The following TNIK variants were observed in gnomAD, a reference collection of about 807,000 sequenced individuals.
TNIK encodes TRAF2 and NCK interacting kinase.
In TNIK, 49 loss-of-function variants were observed where a neutral mutation model predicts 191.3. That is an observed-to-expected ratio of 0.26 (90% CI 0.20 to 0.32). The LOEUF (loss-of-function observed/expected upper bound fraction) is 0.32, where lower values mean the gene tolerates loss of function less well. Among genes scored for constraint, TNIK ranks in the 10% least tolerant of loss-of-function variants. The pLI is 1.00. For missense variants in TNIK, 1,155 were observed against 1,702.3 expected (o/e 0.68, Z 5.66); for synonymous variants, 594 against 600.9 (o/e 0.99, Z 0.17).
At chr3:171,334,076 T>A (rs1231322042) in intron 2 of TNIK, among the ~76,000 whole-genome samples, 1 of 151,736 alleles carries the variant, frequency 6.6e-6, no homozygotes. Context: ...GACTGAGGGG[T>A]GGGAAGTGTC....
chr3:171,132,767 A>G (rs990946078), intron 15 of TNIK, among the ~76,000 whole-genome samples: 6 of 152,198 alleles, frequency 3.9e-5, no homozygotes, highest in Non-Finnish European at 5.9e-5. Flanking sequence ...TATATTTACT[A>G]TGTCATATGG....
intron 2 of TNIK, among the ~76,000 whole-genome samples, chr3:171,257,514 C>T (rs1272532903): frequency 6.6e-6 from 1 of 152,164 alleles, no homozygotes; most frequent in East Asian, 1.9e-4. Flanking sequence ...TGCTGTAGAC[C>T]TTGTTTGATA....
chr3:171,087,384 C>T lies in TNIK; in HGVS notation c.2844G>A (p.Gly948=). The part of the protein sequence containing the change: ...SPAGTPTEGL[G]RVSTHSQEMD... ...TCTCCTGGGAATGGGTTGAGACGCG[C>T]CCCAGTCCCTCAGTCGGGGTTCCAG... The change falls in exon 24 of 33, where the codon GGG becomes GGA. Residue 948 remains glycine (G), a synonymous_variant. Transcript: ENST00000436636. 6.2e-7 allele frequency: 1 copy of T among 1,613,924 alleles called. No homozygotes were observed. Among genetic ancestry groups the T allele is most frequent in the Non-Finnish European group, 8.5e-7 (1 of 1,179,880 alleles).
In TNIK at chr3:171,225,630, T is replaced by C. The variant is rs16856015; in HGVS notation, c.180+2535A>G. 475 of 456,344 alleles carry C rather than the reference T, an allele frequency of 1.0e-3. 1 individual carries two copies. The highest frequency in any genetic ancestry group is 8.4e-3 in the African/African-American group (420 of 50,186). 28.3% of individuals were successfully genotyped at this position (456,344 alleles called of 1,614,324 possible). A position where few individuals can be genotyped will look rare whatever the true frequency, so the allele number is the denominator to read the frequency against. On this transcript the variant is annotated intron_variant, in intron 3 of 32. Transcript: ENST00000436636. ...TGAAACCCAGTTTAGAAAGACTAAC[T>C]GACATTCCTTAAGCTGAAAATACAT...
intron 7 of TNIK, among the ~76,000 whole-genome samples, chr3:171,180,337 G>A (rs1736493328): frequency 1.3e-5 from 2 of 151,498 alleles, no homozygotes; most frequent in South Asian, 4.2e-4. Flanking sequence ...CACTGCTCAT[G>A]CCCCTTCCCC....
In TNIK at chr3:171,332,025, A is replaced by T. The variant is rs552657901; in HGVS notation, c.123+37595T>A. ...TATTTAATTTAATGTAAATTAATCT[A>T]AAATTAAAAGTTATTTTTTTAAAAA... On this transcript the variant is annotated intron_variant, in intron 2 of 32. Transcript: ENST00000436636. Among the ~76,000 whole-genome samples the T allele has an allele frequency of 9.9e-5, 15 of 150,968 alleles. No homozygotes were observed. The East Asian group carries it at 2.9e-3, about 29-fold the overall frequency.
At chr3:171,181,663 AT>A (rs1216388314) in intron 7 of TNIK, among the ~76,000 whole-genome samples, 2 of 152,218 alleles carry the variant, frequency 1.3e-5, no homozygotes, top group Non-Finnish European at 2.9e-5. Context: ...AGTGCCTTGA[AT>A]AAAAATATGA....
At chr3:171,445,060 C>T (rs1727315689) in intron 1 of TNIK, among the ~76,000 whole-genome samples, 1 of 151,912 alleles carries the variant, frequency 6.6e-6, no homozygotes, top group Non-Finnish European at 1.5e-5. Context: ...TCTCAGACTC[C>T]CACATGCTTC....
chr3:171,354,608 T>G (rs1477618205), intron 2 of TNIK, among the ~76,000 whole-genome samples: 2 of 152,180 alleles, frequency 1.3e-5, no homozygotes, highest in Admixed American at 6.5e-5. Context: ...CAGAGTTGAT[T>G]GTTAGAAATG....
At chr3:171,348,599 C>T (rs1712636662) in intron 2 of TNIK, among the ~76,000 whole-genome samples, 1 of 152,096 alleles carries the variant, frequency 6.6e-6, no homozygotes, top group Non-Finnish European at 1.5e-5. Context: ...AATGTTTTAA[C>T]ATATAATATT....
Position 171,068,916 on chromosome 3 carries a change from A to T in TNIK, c.3631T>A (p.Ser1211Thr), listed in dbSNP as rs200265300. The T allele has an allele frequency of 6.2e-7, 1 of 1,613,846 alleles. No individual in the cohort carries two copies. The highest frequency in any genetic ancestry group is 8.5e-7 in the Non-Finnish European group (1 of 1,179,798). ...TCAATTACATGGAAACCAGTGTGTG[A>T]ACCAAAAATAACCTTTAATCTTTGA... ...EGQRLKVIFG[S>T]HTGFHVIDVD... is the part of the protein sequence containing the mutation. The change falls in exon 30 of 33, where the codon TCA becomes ACA. Residue 1211 changes from serine (S) to threonine (T), a missense_variant. Physicochemically the swap from Ser to Thr is moderately conservative, Grantham distance 58 (BLOSUM62 1). This residue lies in a region of TNIK where 195 missense variants were observed against 415.4 expected (regional missense o/e 0.47). Transcript: ENST00000436636.
At chr3:171,443,296 G>A (rs1307068029) in intron 1 of TNIK, among the ~76,000 whole-genome samples, 1 of 152,040 alleles carries the variant, frequency 6.6e-6, no homozygotes, top group Non-Finnish European at 1.5e-5. Context: ...TTGAAAAATC[G>A]CAGCACTCCC....
chr3:171,275,724 G>A (rs555711895), intron 2 of TNIK, among the ~76,000 whole-genome samples: 65 of 151,672 alleles, frequency 4.3e-4, no homozygotes, highest in Non-Finnish European at 7.4e-4. Flanking sequence ...GTGAAACCCC[G>A]TCTCTACTAA....
At chr3:171,260,154 G>A (rs541302503) in intron 2 of TNIK, among the ~76,000 whole-genome samples, 1 of 152,228 alleles carries the variant, frequency 6.6e-6, no homozygotes, top group South Asian at 2.1e-4. Context: ...TTCAGCAAGA[G>A]TCCTGTTAGG....
chr3:171,335,594 C>T (rs2108381383), intron 2 of TNIK, among the ~76,000 whole-genome samples: 1 of 152,316 alleles, frequency 6.6e-6, no homozygotes, highest in South Asian at 2.1e-4. Flanking sequence ...TTGCATGTAT[C>T]AGTAGCTCAT....
intron 23 of TNIK, among the ~76,000 whole-genome samples, chr3:171,092,851 G>C (rs1384299457): frequency 6.6e-6 from 1 of 152,198 alleles, no homozygotes; most frequent in Admixed American, 6.5e-5. Flanking sequence ...CTCTGTCCTG[G>C]CTGAAGAGGA....
intron 2 of TNIK, among the ~76,000 whole-genome samples, chr3:171,350,685 A>T (rs1713022634): frequency 6.6e-6 from 1 of 152,024 alleles, no homozygotes. Context: ...CATAAAAACT[A>T]ACTTTTTTGA....
At chr3:171,411,966 A>G (rs1316090092) in intron 1 of TNIK, among the ~76,000 whole-genome samples, 1 of 152,084 alleles carries the variant, frequency 6.6e-6, no homozygotes, top group Non-Finnish European at 1.5e-5. Flanking sequence ...TTCTTTACCC[A>G]TTCCTGATGA....
chr3:171,148,825 G>A (rs939685987), intron 12 of TNIK, among the ~76,000 whole-genome samples: 15 of 152,256 alleles, frequency 9.9e-5, no homozygotes, highest in Admixed American at 4.6e-4. Flanking sequence ...TCGAATCAAC[G>A]AAAAGATAAC....
Sources: allele counts gnomAD v4.1 joint callset (sites outside exome capture counted in the v4.1 genomes callset), GRCh38; gene constraint gnomAD v4.1.1; regional missense constraint gnomAD v4.1.1; transcripts MANE v1.5; gene names NCBI Gene and HGNC (gene_info 2026-07-23, HGNC 2026-07-21).